Variants in CWF19L2 observed in about 807,000 individuals in gnomAD.
CWF19L2 encodes CWF19-like protein 2.
Under a neutral mutation model 111.7 loss-of-function variants are expected in CWF19L2, and 98 were observed. The ratio of observed to expected loss-of-function variants is 0.88; its 90% CI spans 0.75 to 1.04. The LOEUF (loss-of-function observed/expected upper bound fraction) is 1.04, where lower values mean the gene tolerates loss of function less well. Among genes scored for constraint, CWF19L2 ranks in the 50% least tolerant of loss-of-function variants. CWF19L2 has a pLI of 0.00. For missense variants in CWF19L2, 1,101 were observed against 1,051.4 expected (o/e 1.05, Z -0.65); for synonymous variants, 351 against 342.9 (o/e 1.02, Z -0.26).
chr11:107,417,059 A>G (rs993710212), intron 9 of CWF19L2, among the ~76,000 whole-genome samples: 21 of 152,354 alleles, frequency 1.4e-4, no homozygotes, highest in African/African-American at 5.0e-4. Flanking sequence ...TATGCAAGAT[A>G]TGCCCTTTAT....
intron 13 of CWF19L2, among the ~76,000 whole-genome samples, chr11:107,349,643 G>A (rs563017143): frequency 2.0e-5 from 3 of 151,066 alleles, no homozygotes; most frequent in South Asian, 2.1e-4. Flanking sequence ...AAGGTTAATC[G>A]GTATATATAC....
intron 1 of CWF19L2, among the ~76,000 whole-genome samples, chr11:107,456,774 A>G (rs1861861965): frequency 6.6e-6 from 1 of 152,178 alleles, no homozygotes; most frequent in Non-Finnish European, 1.5e-5. Context: ...GTTATATACC[A>G]AACAGAAAAA....
chr11:107,438,438 C>A (rs1023761811), intron 6 of CWF19L2, among the ~76,000 whole-genome samples: 1 of 152,156 alleles, frequency 6.6e-6, no homozygotes, highest in Non-Finnish European at 1.5e-5. Context: ...ATACAAACCA[C>A]ATCTTTAGTT....
intron 12 of CWF19L2, among the ~76,000 whole-genome samples, chr11:107,359,666 A>C (rs1401118791): frequency 6.6e-6 from 1 of 152,082 alleles, no homozygotes; most frequent in African/African-American, 2.4e-5. Flanking sequence ...TAATCCCAGC[A>C]CTTTGGGAGG....
intron 7 of CWF19L2, among the ~76,000 whole-genome samples, chr11:107,430,414 C>T (rs1269305206): frequency 6.6e-6 from 1 of 151,888 alleles, no homozygotes; most frequent in African/African-American, 2.4e-5. Flanking sequence ...ATAGAGAATT[C>T]AATTCACAGT....
chr11:107,376,168 C>G (rs1470580127), intron 12 of CWF19L2, among the ~76,000 whole-genome samples: 2 of 127,650 alleles, frequency 1.6e-5, no homozygotes, highest in East Asian at 2.4e-4. Context: ...GATTCACAGC[C>G]AAATTCTACC....
rs1038752502 is a variant in CWF19L2, at chr11:107,373,473, G to A, written c.1872+16601C>T. 4.2e-5 allele frequency among the ~76,000 whole-genome samples: 5 copies of A among 119,950 alleles called. 1 individual carries two copies. Among genetic ancestry groups the A allele is most frequent in the Non-Finnish European group, 9.1e-5 (5 of 55,168 alleles). The allele number at this position is 119,950 out of a possible 152,430, so 78.7% of individuals were successfully genotyped here. Reference sequence around the variant, plus strand: ...AGTGGGTCCCTGACCCCTGACCCCCGAGCAGCCTAACTGGGAGGCACCCCC... The same window carrying A: ...AGTGGGTCCCTGACCCCTGACCCCCAAGCAGCCTAACTGGGAGGCACCCCC... On this transcript the variant is annotated intron_variant, in intron 12 of 17. Transcript: ENST00000282251.
intron 12 of CWF19L2, among the ~76,000 whole-genome samples, chr11:107,381,818 A>G (rs1193345333): frequency 6.6e-6 from 1 of 152,232 alleles, no homozygotes; most frequent in Admixed American, 6.5e-5. Context: ...GGGAAAATAT[A>G]TTAAGCCTTA....
chr11:107,415,976 A>G (rs1861219105), intron 10 of CWF19L2, among the ~76,000 whole-genome samples: 1 of 152,138 alleles, frequency 6.6e-6, no homozygotes, highest in South Asian at 2.1e-4. Flanking sequence ...GCACACCTGT[A>G]GTACCAGCTA....
Position 107,406,613 on chromosome 11 carries a change from T to C in CWF19L2, c.1617+9596A>G, listed in dbSNP as rs1861081392. ...GCATCATATAGGCGCAATGCAGCCC[T>C]TTTAAAAATGTTTTTAAATTCTCAA... is the stretch of plus-strand genomic sequence containing the variant. On this transcript the variant is annotated intron_variant, in intron 10 of 17. Coordinates refer to ENST00000282251, the MANE Select transcript of CWF19L2 (RefSeq NM_152434.3). Among the ~76,000 whole-genome samples, 6 of 152,000 alleles carry C rather than the reference T, an allele frequency of 3.9e-5. No individual in the cohort carries two copies. The South Asian group carries it at 1.2e-3, about 31-fold the overall frequency.
chr11:107,446,086 C>T (rs1861698519), intron 3 of CWF19L2, among the ~76,000 whole-genome samples: 2 of 152,186 alleles, frequency 1.3e-5, no homozygotes, highest in South Asian at 4.1e-4. Context: ...GTCTACCTGA[C>T]TTATTTCATA....
chr11:107,343,324 A>G (rs937504047), intron 14 of CWF19L2, among the ~76,000 whole-genome samples: 8 of 151,162 alleles, frequency 5.3e-5, no homozygotes, highest in African/African-American at 1.9e-4. Context: ...TAGGACTGCT[A>G]TGTCTTCTCG....
At position 107,362,189 on chromosome 11, in the gene CWF19L2, G is replaced by C. The variant is rs554674337; in HGVS notation, c.1873-8453C>G. ...GAGGGTCCTACGCCCACGGAGTCTC[G>C]CTGATTGCTACCACAGCAGCTGAGA... On this transcript the variant is annotated intron_variant, in intron 12 of 17. Coordinates refer to ENST00000282251, the MANE Select transcript of CWF19L2 (RefSeq NM_152434.3). Among the ~76,000 whole-genome samples the C allele has an allele frequency of 1.6e-4, 15 of 91,164 alleles. 1 individual carries two copies. The South Asian group carries it at 4.6e-3, about 28-fold the overall frequency. 59.8% of individuals were successfully genotyped at this position (91,164 alleles called of 152,430 possible). A position where few individuals can be genotyped will look rare whatever the true frequency, so the allele number is the denominator to read the frequency against.
chr11:107,434,016 A>G (rs1239781640), intron 6 of CWF19L2, among the ~76,000 whole-genome samples: 1 of 150,770 alleles, frequency 6.6e-6, no homozygotes, highest in East Asian at 1.9e-4. Context: ...GAGAATAAGA[A>G]TAAAAGGACA....
intron 6 of CWF19L2, among the ~76,000 whole-genome samples, chr11:107,434,539 A>G (rs1852200586): frequency 6.6e-6 from 1 of 152,078 alleles, no homozygotes; most frequent in Admixed American, 6.6e-5. Flanking sequence ...ACCCCAAGAC[A>G]TATACAAGAA....
At chr11:107,386,924 C>T (rs1272394654) in intron 12 of CWF19L2, among the ~76,000 whole-genome samples, 3 of 151,798 alleles carry the variant, frequency 2.0e-5, no homozygotes, top group African/African-American at 7.3e-5. Flanking sequence ...CATGGTGGTG[C>T]GTGCCTATAG....
intron 12 of CWF19L2, among the ~76,000 whole-genome samples, chr11:107,361,958 T>A (rs926931796): frequency 6.6e-6 from 1 of 152,174 alleles, no homozygotes; most frequent in African/African-American, 2.4e-5. Flanking sequence ...CGCAGGTTAG[T>A]GGGTGCACGC....
intron 10 of CWF19L2, among the ~76,000 whole-genome samples, chr11:107,406,906 TAATA>T (rs1182701272): frequency 1.3e-5 from 2 of 151,980 alleles, no homozygotes; most frequent in East Asian, 1.9e-4. Flanking sequence ...TACTAATTAT[TAATA>T]AATAGCTATA....
chr11:107,327,261 G>T (rs928762640), intron 17 of CWF19L2, among the ~76,000 whole-genome samples: 1 of 152,078 alleles, frequency 6.6e-6, no homozygotes, highest in Non-Finnish European at 1.5e-5. Flanking sequence ...CAAGTTAGCT[G>T]CATCTCCTAT....
Sources: gnomAD v4.1 joint callset for allele counts (sites outside exome capture counted in the v4.1 genomes callset) on GRCh38, gnomAD v4.1.1 for gene constraint, MANE v1.5 for transcripts, NCBI Gene and HGNC (gene_info 2026-07-23, HGNC 2026-07-21) for gene names.